ZNF682: variants seen among roughly 807,000 people sequenced by gnomAD.
The protein encoded by ZNF682 is zinc finger protein 682.
ZNF682 carries 29 observed loss-of-function variants against 36.5 expected under a neutral mutation model. The observed-to-expected ratio is 0.80, with a 90% CI of 0.59 to 1.08. ZNF682 has a LOEUF of 1.08. Among genes scored for constraint, ZNF682 ranks in the 50% least tolerant of loss-of-function variants. The probability of loss-of-function intolerance (pLI) is 0.00; values close to 1 mark genes in which losing one functional copy is unlikely to be tolerated. For missense variants in ZNF682, 561 were observed against 579.7 expected, an observed-to-expected ratio of 0.97 and a Z score of 0.33; for synonymous variants, 180 against 197.0, an observed-to-expected ratio of 0.91 and a Z score of 0.72.
At chr19:20,009,002 A>AAT (rs1239934836) in intron 3 of ZNF682, among the ~76,000 whole-genome samples, 2 of 152,124 alleles carry the variant, frequency 1.3e-5, no homozygotes, top group Non-Finnish European at 2.9e-5. Context: ...ACCACAGCCA[A>AAT]ACCCTCAAGG....
At chr19:19,998,160 A>C (rs112252025) in intron 3 of ZNF682, among the ~76,000 whole-genome samples, 1 of 152,148 alleles carries the variant, frequency 6.6e-6, no homozygotes, top group African/African-American at 2.4e-5. Flanking sequence ...GTGACCAAAA[A>C]CACTAAAGCA....
At chr19:20,038,701 A>ATTT (rs2088556039) in intron 1 of ZNF682, among the ~76,000 whole-genome samples, 1 of 152,190 alleles carries the variant, frequency 6.6e-6, no homozygotes, top group Non-Finnish European at 1.5e-5. Flanking sequence ...GATTTAAGCA[A>ATTT]CCACAAACCT....
At chr19:20,027,865 G>A (rs1440162787) in intron 1 of ZNF682, among the ~76,000 whole-genome samples, 1 of 151,944 alleles carries the variant, frequency 6.6e-6, no homozygotes, top group Non-Finnish European at 1.5e-5. Context: ...AGTGAGCCAA[G>A]ATCGCGCCAC....
At chr19:19,995,963 T>G (rs534985093), downstream of ZNF682, among the ~76,000 whole-genome samples, 1 of 152,178 alleles carries the variant, frequency 6.6e-6, no homozygotes, top group African/African-American at 2.4e-5. Flanking sequence ...CTCATTGTCA[T>G]GGGGTTGCCA....
chr19:20,010,413 G>A (rs370291519), intron 3 of ZNF682, among the ~76,000 whole-genome samples: 6 of 152,020 alleles, frequency 3.9e-5, no homozygotes, highest in Non-Finnish European at 7.4e-5. Context: ...TAATCCCAGC[G>A]CTTTGGGAGG....
At position 20,006,121 on chromosome 19, in the gene ZNF682, C is replaced by A. The variant is rs1599601812; in HGVS notation, c.1381G>T (p.Ala461Ser). 6.2e-7 allele frequency: 1 copy of A among 1,613,632 alleles called. No homozygotes were observed. Among genetic ancestry groups the A allele is most frequent in the Non-Finnish European group, 8.5e-7 (1 of 1,179,608 alleles). The change falls in exon 4 of 4, where the codon GCT (alanine) becomes TCT (serine). Residue 461 changes from alanine to serine, a missense_variant. Coordinates refer to ENST00000397165, the MANE Select transcript of ZNF682 (RefSeq NM_033196.3). ...KRYKCEECGK[A>S]FKRCSHLNEH... ...TTAAGATGTGAGCACCGTTTAAAAG[C>A]TTTGCCACATTCTTCACATTTATAG...
At position 20,006,892 on chromosome 19, in the gene ZNF682, C is replaced by G; in HGVS notation, c.610G>C (p.Glu204Gln). The change falls in exon 4 of 4, where the codon GAG becomes CAG. Residue 204 changes from glutamate (E) to glutamine (Q), a missense_variant. Physicochemically the swap from Glu to Gln is conservative, Grantham distance 29 (BLOSUM62 2). Transcript: ENST00000397165. Reference sequence around the variant, plus strand: ...CACTTAAAGGTTTTGCCACATTCCTCACATATGCAGAGTTTCTCTTCAGTG... The same window carrying G: ...CACTTAAAGGTTTTGCCACATTCCTGACATATGCAGAGTTTCTCTTCAGTG... ...IHTEEKLCIC[E>Q]ECGKTFKWFS... 1 of 1,614,036 alleles carries G rather than the reference C, an allele frequency of 6.2e-7. No individual in the cohort carries two copies. The highest frequency in any genetic ancestry group is 8.5e-7 in the Non-Finnish European group (1 of 1,179,942).
downstream of ZNF682, among the ~76,000 whole-genome samples, chr19:19,995,350 G>A (rs907493961): frequency 4.6e-5 from 7 of 152,114 alleles, no homozygotes; most frequent in East Asian, 1.9e-4. Context: ...CCACTCATCC[G>A]CGCACAGATG....
downstream of ZNF682, among the ~76,000 whole-genome samples, chr19:20,001,690 TTGG>T: frequency 6.6e-6 from 1 of 152,286 alleles, no homozygotes; most frequent in South Asian, 2.1e-4. Flanking sequence ...CTAACAGATG[TTGG>T]TGGAATGACT....
At chr19:20,012,808 A>G (rs2088302443) in intron 3 of ZNF682, among the ~76,000 whole-genome samples, 1 of 151,742 alleles carries the variant, frequency 6.6e-6, no homozygotes, top group Non-Finnish European at 1.5e-5. Context: ...CAACAAGAAA[A>G]ACAGAAATAA....
intron 1 of ZNF682, among the ~76,000 whole-genome samples, chr19:20,030,532 A>C (rs1398649446): frequency 6.6e-6 from 1 of 152,194 alleles, no homozygotes; most frequent in Non-Finnish European, 1.5e-5. Context: ...AGATTGCACC[A>C]CTGCATTGCA....
chr19:20,012,612 C>G (rs960794782), intron 3 of ZNF682, among the ~76,000 whole-genome samples: 1 of 151,562 alleles, frequency 6.6e-6, no homozygotes, highest in Non-Finnish European at 1.5e-5. Context: ...CTAAAAAATA[C>G]AAAAAATTAG....
chr19:20,002,913 A>G (rs752413175), downstream of ZNF682, among the ~76,000 whole-genome samples: 2 of 152,156 alleles, frequency 1.3e-5, no homozygotes, highest in Non-Finnish European at 2.9e-5. Flanking sequence ...CAACAAGGCC[A>G]GGCGCAATGG....
chr19:20,026,328 T>C (rs2088431343), intron 1 of ZNF682, among the ~76,000 whole-genome samples: 2 of 151,646 alleles, frequency 1.3e-5, no homozygotes, highest in African/African-American at 2.4e-5. Flanking sequence ...TGTTTCTGCA[T>C]AGAGCTGATG....
chr19:20,034,364 A>G (rs1171485623), intron 1 of ZNF682: 1 of 152,212 alleles, frequency 6.6e-6, no homozygotes, highest in Non-Finnish European at 1.5e-5. Context: ...CGTTGTTCAC[A>G]TATTGGAATT....
chr19:20,017,005 A>C lies in ZNF682; in HGVS notation c.226+5999T>G, dbSNP rs545415708. Among the ~76,000 whole-genome samples the C allele has an allele frequency of 2.0e-5, 3 of 152,292 alleles. No homozygotes were observed. The East Asian group carries it at 5.8e-4, about 29-fold the overall frequency. On this transcript the variant is annotated intron_variant, in intron 3 of 3. Coordinates refer to ENST00000397165, the MANE Select transcript of ZNF682 (RefSeq NM_033196.3). ...ACTGAAGTAAAGATGAGATTTAAGC[A>C]TATTGTTATGTTTCATAAACTCTCA...
intron 3 of ZNF682, among the ~76,000 whole-genome samples, chr19:20,012,181 A>G (rs2088295078): frequency 6.6e-6 from 1 of 152,228 alleles, no homozygotes; most frequent in Non-Finnish European, 1.5e-5. Context: ...AAGAAATGAG[A>G]AAAACGAGAA....
chr19:20,018,703 A>T (rs1458674094), intron 3 of ZNF682, among the ~76,000 whole-genome samples: 1 of 152,208 alleles, frequency 6.6e-6, no homozygotes, highest in Non-Finnish European at 1.5e-5. Context: ...CCCTTCCGTT[A>T]CATGCACCAT....
Position 20,006,380 on chromosome 19 carries a change from A to G in ZNF682, c.1122T>C (p.Cys374=). 1 of 1,613,176 alleles carries G rather than the reference A, an allele frequency of 6.2e-7. No homozygotes were observed. The highest frequency in any genetic ancestry group is 8.5e-7 in the Non-Finnish European group (1 of 1,179,834). Residue 374 remains cysteine (C), a synonymous_variant, in exon 4 of 4, where the codon TGT becomes TGC. Coordinates refer to ENST00000397165, the MANE Select transcript of ZNF682 (RefSeq NM_033196.3). The stretch of plus-strand genomic sequence containing the variant: ...ATGAGAACCTCTTAAAGACTTTGTC[A>G]CATTTTTCACATTTGTAGGGTTTCT... ...SGEKPYKCEK[C]DKVFKRFSYL...
Sources: gnomAD v4.1 joint callset for allele counts (sites outside exome capture counted in the v4.1 genomes callset) on GRCh38, gnomAD v4.1.1 for gene constraint, MANE v1.5 for transcripts, NCBI Gene and HGNC (gene_info 2026-07-23, HGNC 2026-07-21) for gene names.